Variants in NBPF12 observed in about 807,000 individuals in gnomAD.
NBPF12 encodes NBPF member 12.
NBPF12 carries 115 observed loss-of-function variants against 146.4 expected under a neutral mutation model. The observed-to-expected ratio is 0.79, with a 90% CI of 0.68 to 0.92. The LOEUF (loss-of-function observed/expected upper bound fraction) is 0.92. NBPF12 is among the 40% of genes least tolerant of loss of function. The pLI, the probability that NBPF12 is intolerant of heterozygous loss-of-function variation, is 0.00. For missense variants in NBPF12, 1,205 were observed against 1,326.8 expected, an observed-to-expected ratio of 0.91 and a Z score of 1.43; for synonymous variants, 385 against 508.9, an observed-to-expected ratio of 0.76 and a Z score of 3.28.
At chr1:146,975,306 G>A (rs1360248927) in intron 15 of NBPF12, among the ~76,000 whole-genome samples, 2 of 127,944 alleles carry the variant, frequency 1.6e-5, no homozygotes, top group African/African-American at 3.2e-5. Flanking sequence ...CCTCATTTCT[G>A]TACATGGCTT....
intron 1 of NBPF12, among the ~76,000 whole-genome samples, chr1:146,939,605 CCTGT>C (rs1347716783): frequency 1.1e-4 from 17 of 152,098 alleles, no homozygotes; most frequent in South Asian, 2.1e-4. Flanking sequence ...TTTTTCTGTG[CCTGT>C]CTGTCTTTCT....
chr1:146,948,068 C>T (rs1178365154), upstream of NBPF12, among the ~76,000 whole-genome samples: 7 of 151,858 alleles, frequency 4.6e-5, no homozygotes, highest in African/African-American at 1.5e-4. Flanking sequence ...TCGAATGCAA[C>T]GGCGCCATCT....
In NBPF12 at chr1:146,972,977, C is replaced by T; in HGVS notation, c.1801+17C>T. 1 of 916,550 alleles carries T rather than the reference C, an allele frequency of 1.1e-6. No homozygotes were observed. The highest frequency in any genetic ancestry group is 2.4e-5 in the East Asian group (1 of 41,864). The allele number at this position is 916,550 out of a possible 1,614,324, so 56.8% of individuals were successfully genotyped here. A position where few individuals can be genotyped will look rare whatever the true frequency, so the allele number is the denominator to read the frequency against. ...ACAAATACAGTAAGATCTATATGCT[C>T]ACCATCATGAAAGTGATGAACGAAG... On this transcript the variant is annotated intron_variant, in intron 14 of 33. Coordinates refer to ENST00000617844, the Ensembl canonical transcript of NBPF12.
At position 146,966,677 on chromosome 1, in the gene NBPF12, A is replaced by C; in HGVS notation, c.988+4A>C. The C allele has an allele frequency of 3.8e-6, 5 of 1,302,654 alleles. No individual in the cohort carries two copies. Among genetic ancestry groups the C allele is most frequent in the Non-Finnish European group, 5.6e-6 (5 of 898,364 alleles). The allele number at this position is 1,302,654 out of a possible 1,614,324, so 80.7% of individuals were successfully genotyped here. ...GCCAAGCAGCAGAACAAATACAGTA[A>C]GATCTACAGGCTCACCATCACGAAA... On this transcript the variant is annotated splice_donor_region_variant and intron_variant, in intron 9 of 33. Transcript: ENST00000617844.
In NBPF12 at chr1:146,984,714, C is replaced by T. The variant is rs1657636508; in HGVS notation, c.2667-99C>T. On this transcript the variant is annotated intron_variant, in intron 21 of 33. Coordinates refer to ENST00000617844, the Ensembl canonical transcript of NBPF12. ...CCTCATTAATGGATCTGTCCTTTTTCTTTTCAAACTCTTCCTTATGTTAGC... is the reference window on the plus strand; with the variant it reads ...CCTCATTAATGGATCTGTCCTTTTTTTTTTCAAACTCTTCCTTATGTTAGC... The T allele has an allele frequency of 1.3e-5, 10 of 795,498 alleles. No individual in the cohort carries two copies. In the East Asian group the frequency reaches 2.0e-4, roughly 16 times the overall value. 49.3% of individuals were successfully genotyped at this position (795,498 alleles called of 1,614,324 possible). A position where few individuals can be genotyped will look rare whatever the true frequency, so the allele number is the denominator to read the frequency against.
Position 146,964,967 on chromosome 1 carries a change from G to A in NBPF12, c.641G>A (p.Ser214Asn), listed in dbSNP as rs1553885398. The A allele has an allele frequency of 4.9e-4, 791 of 1,607,124 alleles. 8 individuals are homozygous for A. The South Asian group carries it at 6.5e-3, about 13-fold the overall frequency. Residue 214 changes from serine (S) to asparagine (N), a missense_variant, in exon 8 of 34, where the codon AGC becomes AAC. Physicochemically the swap from Ser to Asn is conservative, Grantham distance 46. Coordinates refer to ENST00000617844, the Ensembl canonical transcript of NBPF12. ...GAATGTGCCATCACTTGTTCAAATA[G>A]CCACGGCCCTTGTGACTCCATCCAG...
intron 11 of NBPF12, among the ~76,000 whole-genome samples, chr1:146,969,862 A>T (rs1222934733): frequency 6.6e-6 from 1 of 150,894 alleles, no homozygotes; most frequent in Non-Finnish European, 1.5e-5. Context: ...AAAGGACAGG[A>T]AGGAGGCTGT....
intron 4 of NBPF12, among the ~76,000 whole-genome samples, chr1:146,961,395 A>G (rs1385626247): frequency 1.3e-5 from 2 of 151,782 alleles, no homozygotes; most frequent in Non-Finnish European, 2.9e-5. Flanking sequence ...AGAGGGTACT[A>G]CAATAATACC....
intron 1 of NBPF12, among the ~76,000 whole-genome samples, chr1:146,950,722 A>G (rs1655288875): frequency 6.6e-6 from 1 of 152,132 alleles, no homozygotes; most frequent in Non-Finnish European, 1.5e-5. Context: ...CATGGAATGA[A>G]TGTATCACAT....
At chr1:146,978,260 ATTTT>A (rs1187524068) in intron 18 of NBPF12, among the ~76,000 whole-genome samples, 3,289 of 83,788 alleles carry the variant, frequency 0.039, 79 homozygotes, top group African/African-American at 0.07. Flanking sequence ...AGCGTCGTAG[ATTTT>A]TTTTTTTTTT....
intron 19 of NBPF12, among the ~76,000 whole-genome samples, chr1:146,980,713 G>A (rs1374621873): frequency 6.6e-6 from 1 of 151,094 alleles, no homozygotes; most frequent in South Asian, 2.1e-4. Flanking sequence ...ATTGTGGAAG[G>A]CAGTGTGGCA....
intron 18 of NBPF12, among the ~76,000 whole-genome samples, chr1:146,978,260 A>ATTTTTTTTTT (rs1187524068): frequency 2.4e-5 from 2 of 83,886 alleles, no homozygotes; most frequent in African/African-American, 9.5e-5. Flanking sequence ...AGCGTCGTAG[A>ATTTTTTTTTT]TTTTTTTTTT....
chr1:146,987,739 G>C (rs1657877786), intron 25 of NBPF12, among the ~76,000 whole-genome samples: 1 of 141,776 alleles, frequency 7.1e-6, no homozygotes, highest in African/African-American at 2.5e-5. Context: ...GTGTTTGTGT[G>C]TGTGTGTGTG....
At chr1:146,969,657 C>A in intron 11 of NBPF12, 61 bp downstream of exon 14, 1 of 1,540,848 alleles carries the variant, frequency 6.5e-7, no homozygotes. Context: ...CTCCAGACCT[C>A]CATACTTTCA....
chr1:146,984,977 A>G, exon 22 of NBPF12: 1 of 1,302,380 alleles, frequency 7.7e-7, no homozygotes, highest in East Asian at 2.3e-5. Flanking sequence ...TTGGCTGTTG[A>G]CATGGATGGT....
rs1269771506 is a variant in NBPF12, at chr1:146,992,205, A to T, written c.3848+159A>T. On this transcript the variant is annotated intron_variant, in intron 31 of 33. Transcript: ENST00000617844. ...TTGGTTTTCATTGCAGTAGATACTT[A>T]GGTTTCCATTTCTTCCTCCCCTTAT... Among the ~76,000 whole-genome samples the T allele has an allele frequency of 1.1e-4, 15 of 134,426 alleles. 3 individuals carry two copies. Among genetic ancestry groups the T allele is most frequent in the Admixed American group, 2.4e-4 (3 of 12,404 alleles). The allele number at this position is 134,426 out of a possible 152,430, so 88.2% of individuals were successfully genotyped here.
chr1:146,966,462 A>T lies in NBPF12; in HGVS notation c.779-2A>T, dbSNP rs1250126018. On this transcript the variant is annotated splice_acceptor_variant, in intron 8 of 33. Transcript: ENST00000617844. LOFTEE classifies it high-confidence loss of function. ...TCATGTGTTTGCCTTTCTTCTCCCCAGTCCCTGGCCCCACCTCTTCTGCCA... is the reference window on the plus strand; with the variant it reads ...TCATGTGTTTGCCTTTCTTCTCCCCTGTCCCTGGCCCCACCTCTTCTGCCA... 1 of 1,363,118 alleles carries T rather than the reference A, an allele frequency of 7.3e-7. No individual in the cohort carries two copies. Among genetic ancestry groups the T allele is most frequent in the African/African-American group, 1.5e-5 (1 of 68,632 alleles). 84.4% of individuals were successfully genotyped at this position (1,363,118 alleles called of 1,614,324 possible).
At chr1:146,962,067 T>A (rs1334452298) in intron 4 of NBPF12, 94 bp from the exon 8 acceptor site, 2 of 1,097,788 alleles carry the variant, frequency 1.8e-6, no homozygotes, top group East Asian at 4.7e-5. Context: ...GAGAGTTTTG[T>A]CCTTGGGATG....
chr1:146,962,229 C>A (rs1570839657), exon 5 of NBPF12: 5 of 1,607,450 alleles, frequency 3.1e-6, no homozygotes, highest in East Asian at 4.5e-5. Flanking sequence ...GGAGGAGAAG[C>A]TTGCAGAGCA....
Sources: allele counts gnomAD v4.1 joint callset (sites outside exome capture counted in the v4.1 genomes callset), GRCh38; gene constraint gnomAD v4.1.1; transcripts MANE v1.5; gene names NCBI Gene and HGNC (gene_info 2026-07-23, HGNC 2026-07-21).